Variants in HEG1 observed in about 807,000 individuals in gnomAD.
HEG1 encodes the protein protein HEG homolog 1.
In HEG1, 56 loss-of-function variants were observed where a neutral mutation model predicts 125.6. The observed-to-expected ratio is 0.45, with a 90% CI of 0.36 to 0.56. The LOEUF is 0.56. HEG1 is among the 20% of genes least tolerant of loss of function. The probability of loss-of-function intolerance (pLI) is 0.00; values close to 1 mark genes in which losing one functional copy is unlikely to be tolerated. For synonymous variants in HEG1, 644 were observed against 668.5 expected, an observed-to-expected ratio of 0.96 and a Z score of 0.57; for missense variants, 1,523 against 1,670.0, an observed-to-expected ratio of 0.91 and a Z score of 1.53.
At position 124,970,643 on chromosome 3, in the gene HEG1, C is replaced by T; in HGVS notation, c.*9G>A. ...GGCTCAGAGCAATGAGTCCCTCTCT[C>T]TCCTGGACTTAAAAGTAGTCTCTTC... On this transcript the variant is annotated 3_prime_UTR_variant, in exon 17 of 17. Transcript: ENST00000311127. 3 of 1,590,708 alleles carry T rather than the reference C, an allele frequency of 1.9e-6. No homozygotes were observed. The highest frequency in any genetic ancestry group is 2.6e-6 in the Non-Finnish European group (3 of 1,167,970).
At chr3:124,972,770 C>T (rs1376917793) in intron 16 of HEG1, among the ~76,000 whole-genome samples, 2 of 152,120 alleles carry the variant, frequency 1.3e-5, no homozygotes, top group African/African-American at 2.4e-5. Context: ...ATGAGCTGGG[C>T]AGTTTACAGG....
At chr3:124,974,018 T>A in intron 15 of HEG1, 113 bp from the exon 16 acceptor site, 2 of 708,570 alleles carry the variant, frequency 2.8e-6, no homozygotes, top group Non-Finnish European at 4.6e-6. Context: ...ATTATATTTA[T>A]TTGTAGCTGC....
At chr3:124,995,661 C>G (rs377566613) in intron 12 of HEG1, among the ~76,000 whole-genome samples, 150 of 152,326 alleles carry the variant, frequency 9.8e-4, no homozygotes, top group African/African-American at 3.6e-3. Flanking sequence ...CCAAGAAGCC[C>G]GGAATCCACT....
chr3:125,051,853 C>T (rs944836049), intron 1 of HEG1, among the ~76,000 whole-genome samples: 16 of 152,196 alleles, frequency 1.1e-4, no homozygotes, highest in Admixed American at 7.9e-4. Flanking sequence ...AATTCAGGAA[C>T]ACTGTTTTCA....
In HEG1 at chr3:125,021,131, C is replaced by T; in HGVS notation, c.914-1G>A. 4.5e-6 allele frequency: 7 copies of T among 1,542,242 alleles called. No individual in the cohort carries two copies. Among genetic ancestry groups the T allele is most frequent in the Non-Finnish European group, 6.1e-6 (7 of 1,139,480 alleles). On this transcript the variant is annotated splice_acceptor_variant, in intron 3 of 16. Coordinates refer to ENST00000311127, the MANE Select transcript of HEG1 (RefSeq NM_020733.2). LOFTEE classifies it high-confidence loss of function. Reference sequence around the variant, plus strand: ...TTAAGCTTCTCTGTACTTTCAGAAGCTACAATGGAAAAAGATATGCTTCAA... The same window carrying T: ...TTAAGCTTCTCTGTACTTTCAGAAGTTACAATGGAAAAAGATATGCTTCAA...
At chr3:124,970,968 G>T in intron 16 of HEG1, 167 bp from the exon 17 acceptor site, 1 of 664,580 alleles carries the variant, frequency 1.5e-6, no homozygotes. Context: ...CTTTCTCTCT[G>T]GAGCACAACC....
intron 14 of HEG1, among the ~76,000 whole-genome samples, chr3:124,984,547 T>G (rs1316466744): frequency 1.3e-5 from 2 of 152,030 alleles, no homozygotes; most frequent in African/African-American, 4.8e-5. Flanking sequence ...TCACCTGAGT[T>G]CAGGAGTTCG....
chr3:125,045,495 C>G (rs1937648342), intron 1 of HEG1, among the ~76,000 whole-genome samples: 1 of 152,176 alleles, frequency 6.6e-6, no homozygotes, highest in Non-Finnish European at 1.5e-5. Context: ...GAGGGGGAGG[C>G]AGAAGGTCAA....
rs1937929460 is a variant in HEG1, at chr3:125,055,856, G to A, written c.35C>T (p.Pro12Leu). ...ASPRASRWPP[P>L]LLLLLLPLLL... ...CAGCGGCAGCAACAGCAGCAGGAGC[G>A]GCGGCGGCCACCGCGAGGCGCGCGG... The change falls in exon 1 of 17, where the codon CCG becomes CTG. Residue 12 changes from proline to leucine, a missense_variant. Pro to Leu is a moderately conservative substitution (Grantham distance 98). Transcript: ENST00000311127. The A allele has an allele frequency of 1.0e-6, 1 of 980,462 alleles. No individual in the cohort carries two copies. Among genetic ancestry groups the A allele is most frequent in the Non-Finnish European group, 1.2e-6 (1 of 826,836 alleles). 60.7% of individuals were successfully genotyped at this position (980,462 alleles called of 1,614,324 possible). A position where few individuals can be genotyped will look rare whatever the true frequency, so the allele number is the denominator to read the frequency against.
chr3:125,002,951 T>A (rs915524112), intron 9 of HEG1, among the ~76,000 whole-genome samples: 1 of 152,194 alleles, frequency 6.6e-6, no homozygotes, highest in Non-Finnish European at 1.5e-5. Context: ...ATAGGAGCTA[T>A]CGAGACTCCT....
At chr3:124,979,948 T>C (rs1393771298) in intron 14 of HEG1, among the ~76,000 whole-genome samples, 1 of 152,184 alleles carries the variant, frequency 6.6e-6, no homozygotes, top group Non-Finnish European at 1.5e-5. Flanking sequence ...CACAGAAACC[T>C]GGCTATTACG....
intron 1 of HEG1, among the ~76,000 whole-genome samples, chr3:125,046,002 C>A (rs1285700772): frequency 2.6e-5 from 4 of 152,158 alleles, no homozygotes; most frequent in Admixed American, 2.6e-4. Context: ...TCCTCAAAAA[C>A]CTTGTTAGGA....
At chr3:125,032,520 A>G (rs965764997) in intron 1 of HEG1, among the ~76,000 whole-genome samples, 3 of 152,182 alleles carry the variant, frequency 2.0e-5, no homozygotes, top group Non-Finnish European at 4.4e-5. Flanking sequence ...GGGCGTTTCC[A>G]GGGGCAGCCA....
intron 5 of HEG1, among the ~76,000 whole-genome samples, chr3:125,015,257 G>A (rs965287539): frequency 1.3e-5 from 2 of 152,342 alleles, no homozygotes; most frequent in African/African-American, 4.8e-5. Context: ...TTAGCAAATA[G>A]GATCGATACT....
At chr3:124,971,047 A>G (rs1462696428) in intron 16 of HEG1, 1 of 590,698 alleles carries the variant, frequency 1.7e-6, no homozygotes, top group East Asian at 3.6e-5. Flanking sequence ...ACTGACCTTT[A>G]TAAGGTCCTA....
At chr3:124,992,251 A>G (rs59471264) in intron 12 of HEG1, among the ~76,000 whole-genome samples, 96,878 of 152,034 alleles carry the variant, frequency 0.64, 31,372 homozygotes, top group South Asian at 0.74. Context: ...GGTGCAGCTC[A>G]TGGAACGCTA....
At chr3:125,009,845 G>A in intron 7 of HEG1, 21 bp from the exon 8 acceptor site, 1 of 1,601,058 alleles carries the variant, frequency 6.2e-7, no homozygotes, top group South Asian at 1.1e-5. Context: ...GAAAAAAGAA[G>A]AACATCTTGC....
At chr3:125,055,527 G>GC in intron 1 of HEG1, 48 bp downstream of exon 1, 1 of 1,138,318 alleles carries the variant, frequency 8.8e-7, no homozygotes. Context: ...GCGCGCCCAC[G>GC]CCCCCAGCAC....
At position 125,012,871 on chromosome 3, in the gene HEG1, C is replaced by G; in HGVS notation, c.2708G>C (p.Arg903Thr). 1.2e-6 allele frequency: 2 copies of G among 1,614,028 alleles called. No individual in the cohort carries two copies. The highest frequency in any genetic ancestry group is 1.7e-6 in the Non-Finnish European group (2 of 1,179,894). ...GGTAGCATCCACAATCACTCGGTTC[C>G]TTTCTGTGCTGATGCCACCTTCTGT... ...ISTEGGISTE[R>T]NRVIVDATTG... Residue 903 changes from arginine to threonine, a missense_variant, in exon 6 of 17, where the codon AGG (arginine) becomes ACG (threonine). Physicochemically the swap from Arg to Thr is moderately conservative, Grantham distance 71. Transcript: ENST00000311127.
Sources: allele counts gnomAD v4.1 joint callset (sites outside exome capture counted in the v4.1 genomes callset), GRCh38; gene constraint gnomAD v4.1.1; transcripts MANE v1.5; gene names NCBI Gene and HGNC (gene_info 2026-07-23, HGNC 2026-07-21).